Variants in GLT1D1 observed in about 807,000 individuals in gnomAD.
GLT1D1 encodes glycosyltransferase 1 domain-containing protein 1.
A neutral mutation model predicts 28.7 loss-of-function variants in GLT1D1; 21 were observed. The observed-to-expected ratio is 0.73, with a 90% CI of 0.52 to 1.05. The LOEUF is 1.05. GLT1D1 is among the 50% of genes least tolerant of loss of function. The pLI is 0.00. For missense variants in GLT1D1, 343 were observed against 330.6 expected, an observed-to-expected ratio of 1.04 and a Z score of -0.29; for synonymous variants, 147 against 124.8, an observed-to-expected ratio of 1.18 and a Z score of -1.19.
At position 128,967,894 on chromosome 12, in the gene GLT1D1, A is replaced by T. The variant is rs117423914; in HGVS notation, c.639+10251A>T. On this transcript the variant is annotated intron_variant, in intron 7 of 7. Transcript: ENST00000281703. Reference sequence around the variant, plus strand: ...CCTCAGCATGAAATCCGAGATGCAGATCCTGCTGCGTTGATTGGATTTCCA... The same window carrying T: ...CCTCAGCATGAAATCCGAGATGCAGTTCCTGCTGCGTTGATTGGATTTCCA... Among the ~76,000 whole-genome samples the T allele has an allele frequency of 6.2e-3, 939 of 152,372 alleles. 4 individuals carry two copies. The highest frequency in any genetic ancestry group is 9.6e-3 in the Non-Finnish European group (656 of 68,034).
rs1324974025 is a variant in GLT1D1 at position 128,899,233 on chromosome 12, T to C, written c.324-3T>C. 6.2e-7 allele frequency: 1 copy of C among 1,610,258 alleles called. No homozygotes were observed. Among genetic ancestry groups the C allele is most frequent in the African/African-American group, 1.3e-5 (1 of 74,876 alleles). On this transcript the variant is annotated splice_region_variant and splice_polypyrimidine_tract_variant and intron_variant, in intron 3 of 7. Coordinates refer to ENST00000281703, the MANE Select transcript of GLT1D1 (RefSeq NM_144669.3). ...GTTTCTATTATTTTTGTTCATTTACTAGATTTGCTGTCGCTTTCACAGAGT... is the reference window on the plus strand; with the variant it reads ...GTTTCTATTATTTTTGTTCATTTACCAGATTTGCTGTCGCTTTCACAGAGT...
chr12:128,982,383 G>GAAGCACTAGTGCTTTCCACTA (rs1332253864), intron 7 of GLT1D1, among the ~76,000 whole-genome samples: 1 of 152,166 alleles, frequency 6.6e-6, no homozygotes, highest in Admixed American at 6.6e-5. Context: ...GTCTGGCTCT[G>GAAGCACTAGTGCTTTCCACTA]AAGCACTAGT....
At chr12:128,965,889 T>C (rs1015832071) in intron 7 of GLT1D1, among the ~76,000 whole-genome samples, 2 of 116,708 alleles carry the variant, frequency 1.7e-5, no homozygotes, top group East Asian at 4.2e-4. Flanking sequence ...CAAGACCCTG[T>C]CTCAAAAATA....
At chr12:128,980,803 C>G (rs1005884648) in intron 7 of GLT1D1, among the ~76,000 whole-genome samples, 3 of 152,198 alleles carry the variant, frequency 2.0e-5, no homozygotes, top group Admixed American at 1.3e-4. Flanking sequence ...GCAAATTACC[C>G]GAACAAGTCA....
At chr12:128,920,665 A>C (rs974873445) in intron 4 of GLT1D1, among the ~76,000 whole-genome samples, 1 of 152,262 alleles carries the variant, frequency 6.6e-6, no homozygotes, top group East Asian at 1.9e-4. Flanking sequence ...GAGCCCGCTC[A>C]TGACTCATAC....
intron 4 of GLT1D1, among the ~76,000 whole-genome samples, chr12:128,911,075 G>A (rs543834098): frequency 3.3e-5 from 5 of 152,278 alleles, no homozygotes; most frequent in South Asian, 4.1e-4. Flanking sequence ...GATTACAGGC[G>A]CATGCCGCCA....
At chr12:128,868,887 T>C (rs1956613981) in intron 1 of GLT1D1, among the ~76,000 whole-genome samples, 1 of 152,256 alleles carries the variant, frequency 6.6e-6, no homozygotes, top group South Asian at 2.1e-4. Flanking sequence ...TTCTTTTTTT[T>C]GAGATGGAGT....
At chr12:128,935,149 A>G (rs1395685752) in intron 4 of GLT1D1, among the ~76,000 whole-genome samples, 2 of 152,218 alleles carry the variant, frequency 1.3e-5, no homozygotes, top group Admixed American at 6.5e-5. Flanking sequence ...TGCACTGGCC[A>G]TTTCTGGGCG....
intron 4 of GLT1D1, among the ~76,000 whole-genome samples, chr12:128,902,736 G>A (rs557235436): frequency 1.9e-4 from 29 of 151,530 alleles, no homozygotes; most frequent in African/African-American, 7.1e-4. Context: ...AACTGTGTTG[G>A]TTAAGACAGA....
chr12:128,866,067 C>CTTTTTT (rs1208489895), intron 1 of GLT1D1, among the ~76,000 whole-genome samples: 1 of 133,504 alleles, frequency 7.5e-6, no homozygotes, highest in East Asian at 2.2e-4. Context: ...GTGATTGTAC[C>CTTTTTT]TTTTTTTTTT....
At chr12:128,927,999 C>CAA (rs938188484) in intron 4 of GLT1D1, among the ~76,000 whole-genome samples, 731 of 42,200 alleles carry the variant, frequency 0.017, 141 homozygotes, top group African/African-American at 0.039. Flanking sequence ...GACTCTGTCT[C>CAA]AAAAAAAAAA....
At chr12:128,863,541 T>C (rs1044490424) in intron 1 of GLT1D1, among the ~76,000 whole-genome samples, 1 of 151,374 alleles carries the variant, frequency 6.6e-6, no homozygotes, top group Non-Finnish European at 1.5e-5. Flanking sequence ...CCCAGCTAAT[T>C]TGGTATTTTT....
At chr12:128,877,287 G>A (rs560881288) in intron 2 of GLT1D1, among the ~76,000 whole-genome samples, 1 of 152,328 alleles carries the variant, frequency 6.6e-6, no homozygotes, top group South Asian at 2.1e-4. Flanking sequence ...TTAAGGGATA[G>A]TAATAGCATG....
chr12:128,967,113 G>A (rs1878533460), intron 7 of GLT1D1, among the ~76,000 whole-genome samples: 1 of 152,310 alleles, frequency 6.6e-6, no homozygotes, highest in African/African-American at 2.4e-5. Context: ...AACCTATTTT[G>A]CTTGGAGGTT....
At chr12:128,949,214 C>T (rs1036587528) in intron 6 of GLT1D1, among the ~76,000 whole-genome samples, 4 of 152,040 alleles carry the variant, frequency 2.6e-5, no homozygotes, top group South Asian at 2.1e-4. Context: ...GAGTGAAATT[C>T]GGGAATGATT....
chr12:128,972,402 T>A (rs1879271259), intron 7 of GLT1D1, among the ~76,000 whole-genome samples: 1 of 152,218 alleles, frequency 6.6e-6, no homozygotes, highest in Non-Finnish European at 1.5e-5. Flanking sequence ...CGCCCCTCTC[T>A]GCTCATGCTC....
chr12:128,874,112 C>CTT (rs1297129528), intron 1 of GLT1D1, among the ~76,000 whole-genome samples: 10 of 57,782 alleles, frequency 1.7e-4, no homozygotes, highest in Non-Finnish European at 3.0e-5. Context: ...CTCTCTCTCT[C>CTT]TCTCTCTCTC....
chr12:128,964,249 G>A (rs898195323), intron 7 of GLT1D1, among the ~76,000 whole-genome samples: 1 of 152,194 alleles, frequency 6.6e-6, no homozygotes, highest in African/African-American at 2.4e-5. Flanking sequence ...TGGGGGTGGT[G>A]ACAGATGCCT....
chr12:128,944,555 T>A lies in GLT1D1; in HGVS notation c.376-771T>A, dbSNP rs1875766485. The stretch of plus-strand genomic sequence containing the variant: ...CCAATGTTGTAGACTTGGCCATTGG[T>A]GAGATGAATCCAGTGAGCAGTAAGG... On this transcript the variant is annotated intron_variant, in intron 4 of 7. Transcript: ENST00000281703. 14 of 774,966 alleles carry A rather than the reference T, an allele frequency of 1.8e-5. No homozygotes were observed. The East Asian group carries it at 3.6e-4, about 20-fold the overall frequency. The allele number at this position is 774,966 out of a possible 1,614,324, so 48.0% of individuals were successfully genotyped here.
Sources: gnomAD v4.1 joint callset for allele counts (sites outside exome capture counted in the v4.1 genomes callset) on GRCh38, gnomAD v4.1.1 for gene constraint, MANE v1.5 for transcripts, NCBI Gene and HGNC (gene_info 2026-07-23, HGNC 2026-07-21) for gene names.